TOR2A: variants seen among roughly 807,000 people sequenced by gnomAD.
The protein encoded by TOR2A is torsin family 2 member A.
A neutral mutation model predicts 28.6 loss-of-function variants in TOR2A; 24 were observed. The ratio of observed to expected loss-of-function variants is 0.84; its 90% CI spans 0.61 to 1.18. The LOEUF (loss-of-function observed/expected upper bound fraction) is 1.18. Among genes scored for constraint, TOR2A ranks in the 50% most tolerant of loss-of-function variants. The pLI is 0.00. For missense variants in TOR2A, 426 were observed against 448.1 expected (o/e 0.95, Z 0.45); for synonymous variants, 203 against 203.1 (o/e 1.00, Z 0.00).
chr9:127,734,674 G>T, intron 1 of TOR2A, 110 bp from the exon 2 acceptor site: 1 of 1,261,936 alleles, frequency 7.9e-7, no homozygotes, highest in Non-Finnish European at 1.0e-6. Flanking sequence ...GTTTGTCCAA[G>T]CTGCCTATGC....
At chr9:127,733,957 C>G (rs1015326875) in intron 2 of TOR2A, 6 of 405,610 alleles carry the variant, frequency 1.5e-5, no homozygotes, top group Non-Finnish European at 2.6e-5. Flanking sequence ...GATGCTTCCT[C>G]TGAGCCACAA....
At chr9:127,734,195 C>T (rs1179256936) in intron 2 of TOR2A, 104 bp downstream of exon 2, 6 of 1,418,894 alleles carry the variant, frequency 4.2e-6, no homozygotes, top group Non-Finnish European at 5.6e-6. Flanking sequence ...GGGCTGCAGC[C>T]GTGTGTGGCC....
rs770962864 is a variant in TOR2A at position 127,733,555 on chromosome 9, A to T, written c.423T>A (p.Asp141Glu). 9 of 1,610,764 alleles carry T rather than the reference A, an allele frequency of 5.6e-6. No homozygotes were observed. Among genetic ancestry groups the T allele is most frequent in the Non-Finnish European group, 7.6e-6 (9 of 1,179,046 alleles). ...HPSHIERYKK[D>E]LKSWVQGNLT... The stretch of plus-strand genomic sequence containing the variant: ...GGTTCCCTTGGACCCAGCTCTTCAG[A>T]TCCTTCTGTAGGGGAGAGACAGGAG... Residue 141 changes from aspartate (D) to glutamate (E), a missense_variant, in exon 3 of 5, where the codon GAT becomes GAA. Physicochemically the swap from Asp to Glu is conservative, Grantham distance 45. Coordinates refer to ENST00000373284, the MANE Select transcript of TOR2A (RefSeq NM_001085347.3).
At position 127,735,291 on chromosome 9, in the gene TOR2A, T is replaced by G. The variant is rs560339925; in HGVS notation, c.-21A>C. 7.3e-7 allele frequency: 1 copy of G among 1,366,100 alleles called. No individual in the cohort carries two copies. The highest frequency in any genetic ancestry group is 9.4e-7 in the Non-Finnish European group (1 of 1,067,154). 84.6% of individuals were successfully genotyped at this position (1,366,100 alleles called of 1,614,324 possible). On this transcript the variant is annotated 5_prime_UTR_variant, in exon 1 of 5. Transcript: ENST00000373284. ...GCCATCCGGGTGAGGCCCGAGCTCG[T>G]TGTGGGGCAGTCAACTGCCTCGCCC...
chr9:127,733,016 G>A (rs1221544731), intron 3 of TOR2A: 10 of 1,385,166 alleles, frequency 7.2e-6, no homozygotes, highest in East Asian at 2.5e-5. Flanking sequence ...TCAGAGAGGC[G>A]GAGCCATGCT....
rs371540528 is a variant in TOR2A, at chr9:127,732,064, G to C, written c.936C>G (p.Thr312=). 2 of 1,613,686 alleles carry C rather than the reference G, an allele frequency of 1.2e-6. No individual in the cohort carries two copies. The highest frequency in any genetic ancestry group is 1.7e-6 in the Non-Finnish European group (2 of 1,179,990). Residue 312 remains threonine (T), a synonymous_variant, in exon 5 of 5, where the codon ACC becomes ACG. Coordinates refer to ENST00000373284, the MANE Select transcript of TOR2A (RefSeq NM_001085347.3). ...EQLFSSNGCK[T]VASRIAFFL The stretch of plus-strand genomic sequence containing the variant: ...GGAAGAAGGCGATTCGGGAGGCCAC[G>C]GTCTTGCAGCCGTTGGAGGAGAAGA...
rs760610459 is a variant in TOR2A at position 127,733,469 on chromosome 9, A to G, written c.509T>C (p.Leu170Pro). 1.2e-6 allele frequency: 2 copies of G among 1,613,952 alleles called. No homozygotes were observed. Among genetic ancestry groups the G allele is most frequent in the Admixed American group, 1.7e-5 (1 of 60,016 alleles). Residue 170 changes from leucine (L) to proline (P), a missense_variant, in exon 3 of 5, where the codon CTG (leucine) becomes CCG (proline). Transcript: ENST00000373284. Reference sequence around the variant, plus strand: ...CAGGAAAGGCCGCAGGACTTCCATCAGGCCTGGGGGCATCTTGTCCATCTC... The same window carrying G: ...CAGGAAAGGCCGCAGGACTTCCATCGGGCCTGGGGGCATCTTGTCCATCTC... ...FDEMDKMPPGLMEVLRPFLGS... is the reference protein window; with the variant it reads ...FDEMDKMPPGPMEVLRPFLGS...
At position 127,735,280 on chromosome 9, in the gene TOR2A, G is replaced by T. The variant is rs966646426; in HGVS notation, c.-10C>A. On this transcript the variant is annotated 5_prime_UTR_variant, in exon 1 of 5. Coordinates refer to ENST00000373284, the MANE Select transcript of TOR2A (RefSeq NM_001085347.3). ...GCGTCGCAGCCGCCATCCGGGTGAGGCCCGAGCTCGTTGTGGGGCAGTCAA... is the reference window on the plus strand; with the variant it reads ...GCGTCGCAGCCGCCATCCGGGTGAGTCCCGAGCTCGTTGTGGGGCAGTCAA... The T allele has an allele frequency of 1.5e-6, 2 of 1,378,562 alleles. No individual in the cohort carries two copies. Among genetic ancestry groups the T allele is most frequent in the South Asian group, 1.6e-5 (1 of 60,614 alleles). 85.4% of individuals were successfully genotyped at this position (1,378,562 alleles called of 1,614,324 possible). A position where few individuals can be genotyped will look rare whatever the true frequency, so the allele number is the denominator to read the frequency against.
At position 127,732,249 on chromosome 9, in the gene TOR2A, C is replaced by A. The variant is rs1223834003; in HGVS notation, c.751G>T (p.Glu251Ter). ...GGCACCACTGCGTCTAGGAGGCGCT[C>A]TTCCATGATGCCCGAGTTTGAGAAG... Reference protein sequence around the residue: ...HGFSNSGIMEERLLDAVVPFL... With the variant: ...HGFSNSGIME The change falls in exon 5 of 5, where the codon GAG (glutamate) becomes TAG (stop). Residue 251 changes from glutamate (E) to a stop codon, truncating the protein, a stop_gained. Coordinates refer to ENST00000373284, the MANE Select transcript of TOR2A (RefSeq NM_001085347.3). LOFTEE classifies it high-confidence loss of function. 1 of 1,590,336 alleles carries A rather than the reference C, an allele frequency of 6.3e-7. No homozygotes were observed.
Position 127,731,565 on chromosome 9 carries a change from C to T in TOR2A, c.*469G>A, listed in dbSNP as rs1588470879. Reference sequence around the variant, plus strand: ...AGTTTATTATACTTGTTTTCTTTTACAAAATTAAAAACATCTAAAACCAGG... The same window carrying T: ...AGTTTATTATACTTGTTTTCTTTTATAAAATTAAAAACATCTAAAACCAGG... On this transcript the variant is annotated 3_prime_UTR_variant, in exon 5 of 5. Coordinates refer to ENST00000373284, the MANE Select transcript of TOR2A (RefSeq NM_001085347.3). 5.0e-6 allele frequency: 7 copies of T among 1,408,254 alleles called. No homozygotes were observed. The East Asian group carries it at 1.8e-4, about 36-fold the overall frequency. 87.2% of individuals were successfully genotyped at this position (1,408,254 alleles called of 1,614,324 possible). A position where few individuals can be genotyped will look rare whatever the true frequency, so the allele number is the denominator to read the frequency against.
intron 4 of TOR2A, 65 bp from the exon 5 acceptor site, chr9:127,732,343 C>T: frequency 6.6e-7 from 1 of 1,511,386 alleles, no homozygotes; most frequent in South Asian, 1.3e-5. Flanking sequence ...CGGCCCCAAA[C>T]CCCCAGGGGC....
intron 1 of TOR2A, 75 bp downstream of exon 1, chr9:127,735,045 G>GCT: frequency 7.3e-7 from 1 of 1,361,702 alleles, no homozygotes; most frequent in South Asian, 1.7e-5. Flanking sequence ...CGCCAGCCGG[G>GCT]CTCCCAGGGC....
At chr9:127,734,016 A>G in intron 2 of TOR2A, 2 of 437,760 alleles carry the variant, frequency 4.6e-6, no homozygotes, top group Non-Finnish European at 8.0e-6. Context: ...TCTGACAAAC[A>G]TAGGTGCTCC....
At position 127,731,925 on chromosome 9, in the gene TOR2A, G is replaced by A; in HGVS notation, c.*109C>T. On this transcript the variant is annotated 3_prime_UTR_variant, in exon 5 of 5. Transcript: ENST00000373284. ...TCCTGGCCATCTGTCCCGTGGCCTA[G>A]CCGACACTCCGTTCATCTCACTTGG... 6.6e-7 allele frequency: 1 copy of A among 1,512,850 alleles called. No individual in the cohort carries two copies. The highest frequency in any genetic ancestry group is 8.8e-7 in the Non-Finnish European group (1 of 1,132,408). The allele number at this position is 1,512,850 out of a possible 1,614,324, so 93.7% of individuals were successfully genotyped here.
chr9:127,734,728 CTTCGGGCCT>C, intron 1 of TOR2A, 164 bp from the exon 2 acceptor site: 2 of 849,012 alleles, frequency 2.4e-6, no homozygotes, highest in Admixed American at 4.0e-5. Context: ...AAAGAGCCAC[CTTCGGGCCT>C]GATTCAGCTC....
At chr9:127,733,723 G>A (rs1004728757) in intron 2 of TOR2A, 163 bp from the exon 3 acceptor site, 28 of 686,324 alleles carry the variant, frequency 4.1e-5, no homozygotes, top group Non-Finnish European at 6.0e-5. Context: ...CCAGATTGGG[G>A]CAGAGACTTG....
At chr9:127,732,813 T>G (rs1433390485) in intron 3 of TOR2A, 122 bp from the exon 4 acceptor site, 1 of 1,450,804 alleles carries the variant, frequency 6.9e-7, no homozygotes, top group East Asian at 2.5e-5. Context: ...AGGAGCCAAC[T>G]CCACTGAAAA....
Position 127,733,577 on chromosome 9 carries a change from G to A in TOR2A, c.418-17C>T. Reference sequence around the variant, plus strand: ...CAGATCCTTCTGTAGGGGAGAGACAGGAGTTCCAGGGGAGCTGGAGAAACT... The same window carrying A: ...CAGATCCTTCTGTAGGGGAGAGACAAGAGTTCCAGGGGAGCTGGAGAAACT... On this transcript the variant is annotated splice_polypyrimidine_tract_variant and intron_variant, in intron 2 of 4. Coordinates refer to ENST00000373284, the MANE Select transcript of TOR2A (RefSeq NM_001085347.3). The A allele has an allele frequency of 6.3e-7, 1 of 1,589,356 alleles. No homozygotes were observed. Among genetic ancestry groups the A allele is most frequent in the Non-Finnish European group, 8.6e-7 (1 of 1,168,274 alleles).
chr9:127,731,609 T>G lies in TOR2A; in HGVS notation c.*425A>C. On this transcript the variant is annotated 3_prime_UTR_variant, in exon 5 of 5. Transcript: ENST00000373284. ...AACCAGGCCCAAGTGGCAGCTTGAG[T>G]CCCTCCATTTCTGGAAACTGAGAAG... 1 of 1,202,032 alleles carries G rather than the reference T, an allele frequency of 8.3e-7. No homozygotes were observed. The allele number at this position is 1,202,032 out of a possible 1,614,324, so 74.5% of individuals were successfully genotyped here. A position where few individuals can be genotyped will look rare whatever the true frequency, so the allele number is the denominator to read the frequency against.
Sources: gnomAD v4.1 joint callset for allele counts on GRCh38, gnomAD v4.1.1 for gene constraint, MANE v1.5 for transcripts, NCBI Gene and HGNC (gene_info 2026-07-23, HGNC 2026-07-21) for gene names.